The following PRKCA variants were observed in gnomAD, a reference collection of about 807,000 sequenced individuals.
The protein encoded by PRKCA is protein kinase C alpha type.
In PRKCA, 27 loss-of-function variants were observed where a neutral mutation model predicts 87.0. The observed-to-expected ratio is 0.31, with a 90% CI of 0.23 to 0.43. PRKCA has a LOEUF of 0.43. Among genes scored for constraint, PRKCA ranks in the 20% least tolerant of loss-of-function variants. PRKCA has a pLI of 1.00. For missense variants in PRKCA, 518 were observed against 852.3 expected (o/e 0.61, Z 4.88); for synonymous variants, 329 against 311.1 (o/e 1.06, Z -0.61).
At chr17:66,391,024 AT>A (rs1910330534) in intron 2 of PRKCA, among the ~76,000 whole-genome samples, 1 of 152,166 alleles carries the variant, frequency 6.6e-6, no homozygotes. Flanking sequence ...GAGATTTTCC[AT>A]TTTGACAGAT....
At chr17:66,676,853 C>T (rs374372252) in intron 5 of PRKCA, 1 of 152,138 alleles carries the variant, frequency 6.6e-6, no homozygotes, top group Non-Finnish European at 1.5e-5. Context: ...AGGAGACACA[C>T]CCTCTCCCCC....
intron 2 of PRKCA, among the ~76,000 whole-genome samples, chr17:66,404,873 C>T (rs1911267411): frequency 6.6e-6 from 1 of 150,794 alleles, no homozygotes; most frequent in Non-Finnish European, 1.5e-5. Flanking sequence ...CCTCAGCCTC[C>T]TGAGTAGCTG....
intron 2 of PRKCA, among the ~76,000 whole-genome samples, chr17:66,457,225 T>G (rs777269680): frequency 5.1e-4 from 78 of 152,152 alleles, no homozygotes; most frequent in Admixed American, 2.0e-3. Context: ...AGTTCTTAAC[T>G]GAGTATTTTG....
intron 3 of PRKCA, among the ~76,000 whole-genome samples, chr17:66,581,359 G>A (rs1339354270): frequency 1.3e-5 from 2 of 152,128 alleles, no homozygotes; most frequent in Non-Finnish European, 1.5e-5. Context: ...CTCCATTTGT[G>A]GACATTCAAA....
At chr17:66,418,875 C>G (rs952504464) in intron 2 of PRKCA, among the ~76,000 whole-genome samples, 17 of 151,886 alleles carry the variant, frequency 1.1e-4, no homozygotes, top group Non-Finnish European at 1.5e-4. Flanking sequence ...CCTCAGCCTC[C>G]TGTGTAGCTG....
chr17:66,401,428 C>T (rs951007967), intron 2 of PRKCA, among the ~76,000 whole-genome samples: 7 of 152,162 alleles, frequency 4.6e-5, no homozygotes, highest in South Asian at 2.1e-4. Context: ...GTGGACATGA[C>T]ATTCAGGGAG....
rs543786366 is a variant in PRKCA at position 66,589,447 on chromosome 17, G to C, written c.289-51908G>C. ...TCCTACAGTGGCAGCTTTAATGGCT[G>C]TGTAGTATTCCATTGTTATCTTGAA... On this transcript the variant is annotated intron_variant, in intron 3 of 16. Transcript: ENST00000413366. Among the ~76,000 whole-genome samples, 6 of 152,272 alleles carry C rather than the reference G, an allele frequency of 3.9e-5. No homozygotes were observed. In the South Asian group the frequency reaches 1.2e-3, roughly 32 times the overall value.
chr17:66,781,346 C>T (rs1483761597), intron 14 of PRKCA, among the ~76,000 whole-genome samples: 1 of 152,172 alleles, frequency 6.6e-6, no homozygotes, highest in Non-Finnish European at 1.5e-5. Flanking sequence ...GGCAGAGCTG[C>T]TGCTCCAGCC....
intron 2 of PRKCA, among the ~76,000 whole-genome samples, chr17:66,397,453 TC>T (rs1290281557): frequency 4.6e-5 from 7 of 151,996 alleles, no homozygotes; most frequent in African/African-American, 1.7e-4. Context: ...GGTGGATGTG[TC>T]ATTTTGATGC....
At chr17:66,395,445 G>A (rs1219041485) in intron 2 of PRKCA, among the ~76,000 whole-genome samples, 1 of 152,030 alleles carries the variant, frequency 6.6e-6, no homozygotes, top group Non-Finnish European at 1.5e-5. Flanking sequence ...TTCTAAATCT[G>A]GTGTGTATTT....
intron 5 of PRKCA, among the ~76,000 whole-genome samples, chr17:66,659,117 C>T (rs1238870719): frequency 6.6e-6 from 1 of 152,058 alleles, no homozygotes; most frequent in East Asian, 1.9e-4. Context: ...CCTGACGTTC[C>T]CTTCAGCTCT....
chr17:66,346,280 G>A (rs768722471), intron 2 of PRKCA, among the ~76,000 whole-genome samples: 6 of 151,862 alleles, frequency 4.0e-5, no homozygotes, highest in Non-Finnish European at 7.4e-5. Flanking sequence ...TGTGTTTTTA[G>A]TAGAGACAGG....
chr17:66,445,682 G>T (rs1223435605), intron 2 of PRKCA, among the ~76,000 whole-genome samples: 1 of 152,230 alleles, frequency 6.6e-6, no homozygotes, highest in Admixed American at 6.5e-5. Flanking sequence ...GAACAGTGCA[G>T]AAGTCCCTGT....
intron 2 of PRKCA, among the ~76,000 whole-genome samples, chr17:66,417,257 G>A (rs548563267): frequency 6.6e-6 from 1 of 151,426 alleles, no homozygotes; most frequent in African/African-American, 2.4e-5. Context: ...TAAATCCATA[G>A]CATAGTTTAC....
intron 3 of PRKCA, among the ~76,000 whole-genome samples, chr17:66,567,690 A>G (rs1250044858): frequency 6.6e-6 from 1 of 152,230 alleles, no homozygotes; most frequent in Non-Finnish European, 1.5e-5. Context: ...CCCTGCTAAC[A>G]TCACAAAGAG....
intron 5 of PRKCA, among the ~76,000 whole-genome samples, chr17:66,678,665 GAA>G (rs34094513): frequency 4.3e-5 from 6 of 138,828 alleles, no homozygotes; most frequent in African/African-American, 2.6e-5. Context: ...CTTGTTGACT[GAA>G]AAAAAAAAAA....
chr17:66,725,637 C>T (rs913226351), intron 8 of PRKCA, among the ~76,000 whole-genome samples: 5 of 148,574 alleles, frequency 3.4e-5, no homozygotes, highest in African/African-American at 5.1e-5. Flanking sequence ...ATGGTAAAAC[C>T]GCATGTCTAC....
chr17:66,449,289 AAAAAC>A (rs952978663), intron 2 of PRKCA, among the ~76,000 whole-genome samples: 6 of 152,158 alleles, frequency 3.9e-5, no homozygotes, highest in South Asian at 2.1e-4. Flanking sequence ...CCTATTTCAA[AAAAAC>A]AAAACAAAAC....
intron 13 of PRKCA, among the ~76,000 whole-genome samples, chr17:66,747,067 G>T (rs1162930176): frequency 6.6e-6 from 1 of 152,044 alleles, no homozygotes; most frequent in East Asian, 1.9e-4. Flanking sequence ...ATATAATTTT[G>T]TTCTAAGAAC....
Sources: gnomAD v4.1 joint callset for allele counts (sites outside exome capture counted in the v4.1 genomes callset) on GRCh38, gnomAD v4.1.1 for gene constraint, MANE v1.5 for transcripts, NCBI Gene and HGNC (gene_info 2026-07-23, HGNC 2026-07-21) for gene names.